Variants in RCSD1 observed in about 807,000 individuals in gnomAD.
RCSD1 encodes the protein RCSD domain containing 1, also known as capZ-interacting protein.
A neutral mutation model predicts 42.5 loss-of-function variants in RCSD1; 26 were observed. That is an observed-to-expected ratio of 0.61 (90% confidence interval 0.45 to 0.85). The LOEUF (loss-of-function observed/expected upper bound fraction) is 0.85. Ranked by LOEUF, RCSD1 falls within the 40% of genes least tolerant of loss-of-function variation. The pLI is 0.00. For synonymous variants in RCSD1, 220 were observed against 212.2 expected (o/e 1.04, Z -0.32); for missense variants, 571 against 528.3 (o/e 1.08, Z -0.79).
intron 1 of RCSD1, among the ~76,000 whole-genome samples, chr1:167,631,505 G>A (rs962846691): frequency 1.3e-5 from 2 of 152,078 alleles, no homozygotes; most frequent in Admixed American, 6.5e-5. Flanking sequence ...TTTCTTTTGA[G>A]ACAGGGTCTC....
intron 1 of RCSD1, among the ~76,000 whole-genome samples, chr1:167,634,581 TTTAAG>T (rs1657786377): frequency 6.6e-6 from 1 of 152,216 alleles, no homozygotes; most frequent in Non-Finnish European, 1.5e-5. Context: ...TGATGTCACA[TTTAAG>T]TTAATACTGT....
rs1659522967 is a variant in RCSD1, at chr1:167,697,362, A to G, written c.738A>G (p.Thr246=). The G allele has an allele frequency of 6.2e-7, 1 of 1,614,068 alleles. No homozygotes were observed. Residue 246 remains threonine (T), a synonymous_variant, in exon 6 of 7, where the codon ACA becomes ACG. Coordinates refer to ENST00000367854, the MANE Select transcript of RCSD1 (RefSeq NM_052862.4). ...CTCTGAGGAGGTCACCCAGCAGGACAGAGAAGCAGGAGGAGGACAGGGCCA... is the reference window on the plus strand; with the variant it reads ...CTCTGAGGAGGTCACCCAGCAGGACGGAGAAGCAGGAGGAGGACAGGGCCA... ...KPPLRRSPSR[T]EKQEEDRATE... is the part of the protein sequence containing the mutation.
chr1:167,638,964 T>A (rs1487916273), intron 1 of RCSD1, among the ~76,000 whole-genome samples: 1 of 152,168 alleles, frequency 6.6e-6, no homozygotes, highest in Non-Finnish European at 1.5e-5. Context: ...ATGCCTGTAA[T>A]CCCAGCTCTT....
intron 2 of RCSD1, 131 bp downstream of exon 2, chr1:167,684,132 A>T: frequency 2.8e-6 from 2 of 711,894 alleles, no homozygotes; most frequent in Non-Finnish European, 4.8e-6. Context: ...CAGGGGCTGG[A>T]GGGGTTTCTC....
chr1:167,667,323 C>T (rs7542207), intron 1 of RCSD1, among the ~76,000 whole-genome samples: 5,037 of 152,252 alleles, frequency 0.033, 284 homozygotes, highest in African/African-American at 0.12. Context: ...ATACTGAGAC[C>T]GGACCAGAGA....
At chr1:167,680,697 T>A (rs574175086) in intron 1 of RCSD1, among the ~76,000 whole-genome samples, 1 of 152,134 alleles carries the variant, frequency 6.6e-6, no homozygotes, top group African/African-American at 2.4e-5. Flanking sequence ...GGTCTCGAAC[T>A]CCTGAGCTCA....
At chr1:167,698,080 GT>G (rs1432255625) in intron 6 of RCSD1, among the ~76,000 whole-genome samples, 3 of 152,220 alleles carry the variant, frequency 2.0e-5, no homozygotes, top group Non-Finnish European at 4.4e-5. Flanking sequence ...CTGACTTGGA[GT>G]TCTGGCAAGC....
chr1:167,662,595 C>T (rs1658564423), intron 1 of RCSD1, among the ~76,000 whole-genome samples: 1 of 152,216 alleles, frequency 6.6e-6, no homozygotes, highest in South Asian at 2.1e-4. Context: ...ATCTGCTTTC[C>T]AGAAACTCTC....
intron 1 of RCSD1, among the ~76,000 whole-genome samples, chr1:167,682,182 T>C (rs1443993229): frequency 1.3e-5 from 2 of 151,770 alleles, no homozygotes; most frequent in Non-Finnish European, 2.9e-5. Flanking sequence ...CTTTTTTTTT[T>C]TTTTTGAGAT....
Position 167,707,208 on chromosome 1 carries a change from C to T in RCSD1, c.*2512C>T, listed in dbSNP as rs1463542232. ...TTCAGTGGCCTCAGAACTCCAGGCC[C>T]CTCACGGAGATCACCCTGAACAATG... On this transcript the variant is annotated 3_prime_UTR_variant, in exon 7 of 7. Coordinates refer to ENST00000367854, the MANE Select transcript of RCSD1 (RefSeq NM_052862.4). 6.6e-6 allele frequency among the ~76,000 whole-genome samples: 1 copy of T among 152,180 alleles called. No homozygotes were observed. Among genetic ancestry groups the T allele is most frequent in the East Asian group, 1.9e-4 (1 of 5,204 alleles).
intron 1 of RCSD1, among the ~76,000 whole-genome samples, chr1:167,677,030 A>G (rs1273421509): frequency 6.6e-6 from 1 of 152,182 alleles, no homozygotes; most frequent in African/African-American, 2.4e-5. Flanking sequence ...CCATTTTCAG[A>G]TCCTTAAAGC....
chr1:167,632,633 C>T (rs895331617), intron 1 of RCSD1, among the ~76,000 whole-genome samples: 10 of 140,354 alleles, frequency 7.1e-5, no homozygotes, highest in African/African-American at 1.3e-4. Flanking sequence ...TTGGGAGGGA[C>T]GCAGGGAGGG....
chr1:167,660,182 G>A (rs1211767442), intron 1 of RCSD1, among the ~76,000 whole-genome samples: 1 of 152,180 alleles, frequency 6.6e-6, no homozygotes, highest in Non-Finnish European at 1.5e-5. Flanking sequence ...CGCCTATGAT[G>A]TTAAGCGTTC....
chr1:167,649,177 G>T (rs1346523181), intron 1 of RCSD1, among the ~76,000 whole-genome samples: 2 of 152,186 alleles, frequency 1.3e-5, no homozygotes. Flanking sequence ...AGGACAAAGA[G>T]GGAATGGATA....
At chr1:167,685,277 A>G (rs1659198716) in intron 2 of RCSD1, 144 bp from the exon 3 acceptor site, 1 of 559,246 alleles carries the variant, frequency 1.8e-6, no homozygotes, top group African/African-American at 2.0e-5. Context: ...CCATTCTTAA[A>G]TATTCCTACA....
chr1:167,684,133 G>C (rs886984224), intron 2 of RCSD1, 132 bp downstream of exon 2: 3 of 706,160 alleles, frequency 4.2e-6, no homozygotes, highest in Admixed American at 2.6e-5. Flanking sequence ...AGGGGCTGGA[G>C]GGGTTTCTCT....
At chr1:167,679,292 C>G (rs1659024257) in intron 1 of RCSD1, among the ~76,000 whole-genome samples, 1 of 152,188 alleles carries the variant, frequency 6.6e-6, no homozygotes, top group South Asian at 2.1e-4. Context: ...GAAAATATAT[C>G]AAAGGCTGTA....
At chr1:167,636,588 T>C (rs1370155867) in intron 1 of RCSD1, among the ~76,000 whole-genome samples, 1 of 150,240 alleles carries the variant, frequency 6.7e-6, no homozygotes, top group Non-Finnish European at 1.5e-5. Flanking sequence ...TTGTTTTTTT[T>C]TGTTTGTTTG....
chr1:167,690,456 G>A (rs1419973647), intron 4 of RCSD1, among the ~76,000 whole-genome samples: 2 of 152,210 alleles, frequency 1.3e-5, no homozygotes, highest in Non-Finnish European at 2.9e-5. Flanking sequence ...GGAGGATCAC[G>A]TGAGCCCAGG....
Sources: allele counts gnomAD v4.1 joint callset (sites outside exome capture counted in the v4.1 genomes callset), GRCh38; gene constraint gnomAD v4.1.1; transcripts MANE v1.5; gene names NCBI Gene and HGNC (gene_info 2026-07-23, HGNC 2026-07-21).